Variants in BANP observed in about 807,000 individuals in gnomAD.
BANP encodes protein BANP.
In BANP, 11 loss-of-function variants were observed where a neutral mutation model predicts 68.1. The observed-to-expected ratio is 0.16, with a 90% CI of 0.10 to 0.27. The LOEUF is 0.27. Ranked by LOEUF, BANP falls within the 10% of genes least tolerant of loss-of-function variation. The probability of loss-of-function intolerance (pLI) is 1.00; values close to 1 mark genes in which losing one functional copy is unlikely to be tolerated. For missense variants in BANP, 504 were observed against 722.7 expected (o/e 0.70, Z 3.47); for synonymous variants, 329 against 303.2 (o/e 1.09, Z -0.88).
Position 87,958,549 on chromosome 16 carries a change from A to T in BANP, c.-69+7034A>T, listed in dbSNP as rs182725264. 1.4e-4 allele frequency among the ~76,000 whole-genome samples: 22 copies of T among 152,002 alleles called. No individual in the cohort carries two copies. In the East Asian group the frequency reaches 4.3e-3, roughly 29 times the overall value. On this transcript the variant is annotated intron_variant, in intron 1 of 13. Transcript: ENST00000682872. Reference sequence around the variant, plus strand: ...TAAAGTACTTTTTAAAAGGCCATCCACTGGGCCAGGCATGGTGGCCCAAAG... The same window carrying T: ...TAAAGTACTTTTTAAAAGGCCATCCTCTGGGCCAGGCATGGTGGCCCAAAG...
intron 1 of BANP, among the ~76,000 whole-genome samples, chr16:87,959,615 C>G (rs1029093743): frequency 2.6e-5 from 4 of 152,238 alleles, no homozygotes; most frequent in Non-Finnish European, 5.9e-5. Flanking sequence ...CATGGTCTTC[C>G]TGCTGCAGCC....
chr16:87,997,762 G>A (rs2067686708), intron 4 of BANP, among the ~76,000 whole-genome samples: 1 of 152,286 alleles, frequency 6.6e-6, no homozygotes, highest in South Asian at 2.1e-4. Flanking sequence ...AGCCAGGATG[G>A]CTGGGAGTGA....
intron 4 of BANP, among the ~76,000 whole-genome samples, chr16:87,990,449 A>G (rs1412746950): frequency 6.6e-6 from 1 of 152,204 alleles, no homozygotes; most frequent in Non-Finnish European, 1.5e-5. Context: ...ATGTAGAGCT[A>G]GGCCTCGTTC....
At chr16:88,027,888 C>T (rs1231555148) in intron 8 of BANP, among the ~76,000 whole-genome samples, 1 of 152,262 alleles carries the variant, frequency 6.6e-6, no homozygotes, top group African/African-American at 2.4e-5. Context: ...GACAGAGGGC[C>T]TGTTGGGCCT....
At chr16:88,035,499 A>G (rs1409074416) in intron 10 of BANP, 105 bp downstream of exon 10, 26 of 1,132,642 alleles carry the variant, frequency 2.3e-5, no homozygotes, top group Middle Eastern at 2.9e-4. Flanking sequence ...CCCCCAGGAC[A>G]GGGAACGTGG....
chr16:88,061,753 C>T (rs1046298363), intron 11 of BANP, among the ~76,000 whole-genome samples: 1 of 151,814 alleles, frequency 6.6e-6, no homozygotes, highest in Non-Finnish European at 1.5e-5. Context: ...GCAACCTCTG[C>T]CTCCTGGGTT....
At chr16:87,954,834 C>T (rs7194067) in intron 1 of BANP, among the ~76,000 whole-genome samples, 21,269 of 152,250 alleles carry the variant, frequency 0.14, 1,615 homozygotes, top group Middle Eastern at 0.23. Context: ...GGAGGTCACC[C>T]GTACGGCCAG....
At chr16:88,032,417 G>A (rs950804406) in intron 8 of BANP, among the ~76,000 whole-genome samples, 14 of 152,154 alleles carry the variant, frequency 9.2e-5, no homozygotes, top group African/African-American at 2.9e-4. Context: ...GGCCAGGCTG[G>A]TCTTGAACTC....
Position 88,071,774 on chromosome 16 carries a change from G to C in BANP, c.1378-295G>C. On this transcript the variant is annotated intron_variant, in intron 12 of 13. Transcript: ENST00000682872. The surrounding 1 kb of genome is among the most constrained non-coding windows in gnomAD (Gnocchi z 6.5). The stretch of plus-strand genomic sequence containing the variant: ...TTTGCTGTTGCTCTCTTTTTCTGTG[G>C]AAGCTCTGCCTTGCTTTTTTTTTTT... 1 of 639,324 alleles carries C rather than the reference G, an allele frequency of 1.6e-6. No individual in the cohort carries two copies. 39.6% of individuals were successfully genotyped at this position (639,324 alleles called of 1,614,324 possible).
chr16:88,003,103 C>T lies in BANP; in HGVS notation c.363-1192C>T, dbSNP rs2069916264. Among the ~76,000 whole-genome samples, 2 of 152,180 alleles carry T rather than the reference C, an allele frequency of 1.3e-5. No individual in the cohort carries two copies. Among genetic ancestry groups the T allele is most frequent in the Admixed American group, 1.3e-4 (2 of 15,278 alleles). On this transcript the variant is annotated intron_variant, in intron 4 of 13. Coordinates refer to ENST00000682872, the MANE Select transcript of BANP (RefSeq NM_001386991.1). The surrounding 1 kb of genome is among the most constrained non-coding windows in gnomAD (Gnocchi z 6.1). ...ACAGCCTGTAGGTGACTGTGGTGAC[C>T]AAGCCAAAAGCCACCTGGGTTACTT... is the stretch of plus-strand genomic sequence containing the variant.
At chr16:88,065,986 A>T (rs1450036686) in intron 12 of BANP, among the ~76,000 whole-genome samples, 1 of 152,136 alleles carries the variant, frequency 6.6e-6, no homozygotes, top group Non-Finnish European at 1.5e-5. Flanking sequence ...GGATGGGAGC[A>T]CGGGAGAGGG....
chr16:87,973,461 A>G (rs2061472609), intron 1 of BANP, among the ~76,000 whole-genome samples: 1 of 152,198 alleles, frequency 6.6e-6, no homozygotes, highest in African/African-American at 2.4e-5. Flanking sequence ...TGTTATCCCC[A>G]AGAAATTCTA....
chr16:88,036,401 G>A lies in BANP; in HGVS notation c.1272+1007G>A, dbSNP rs1384196510. On this transcript the variant is annotated intron_variant, in intron 10 of 13. Coordinates refer to ENST00000682872, the MANE Select transcript of BANP (RefSeq NM_001386991.1). The surrounding 1 kb of genome is among the most constrained non-coding windows in gnomAD (Gnocchi z 4.2). Reference sequence around the variant, plus strand: ...GCTCATGCTGGGTGCAGGTGCTGTGGGGGAGCAGAGGAGAGAGAAGCCCTG... The same window carrying A: ...GCTCATGCTGGGTGCAGGTGCTGTGAGGGAGCAGAGGAGAGAGAAGCCCTG... Among the ~76,000 whole-genome samples, 6 of 152,176 alleles carry A rather than the reference G, an allele frequency of 3.9e-5. No homozygotes were observed. Among genetic ancestry groups the A allele is most frequent in the Non-Finnish European group, 5.9e-5 (4 of 68,026 alleles).
intron 6 of BANP, among the ~76,000 whole-genome samples, chr16:88,010,582 G>A (rs6419431): frequency 1 from 151,832 of 152,364 alleles, 75,653 homozygotes; most frequent in Middle Eastern, 1. Context: ...ACAGAATGTC[G>A]GCCATGCACA....
At chr16:87,965,980 C>T (rs1196234085) in intron 1 of BANP, among the ~76,000 whole-genome samples, 1 of 152,186 alleles carries the variant, frequency 6.6e-6, no homozygotes, top group Non-Finnish European at 1.5e-5. Context: ...TCATCCCCAA[C>T]TGTCTTGGAT....
Position 88,076,081 on chromosome 16 carries a change from G to C in BANP, c.1522-509G>C, listed in dbSNP as rs867389877. Reference sequence around the variant, plus strand: ...CATTTTAAGATAAAGCTGTGATTTCGTACTTGAAGTCCTTTTAATATCTGT... The same window carrying C: ...CATTTTAAGATAAAGCTGTGATTTCCTACTTGAAGTCCTTTTAATATCTGT... On this transcript the variant is annotated intron_variant, in intron 13 of 13. Transcript: ENST00000682872. 7.2e-5 allele frequency among the ~76,000 whole-genome samples: 11 copies of C among 152,292 alleles called. No individual in the cohort carries two copies. In the South Asian group the frequency reaches 8.3e-4, roughly 11 times the overall value.
At chr16:87,954,915 G>A (rs1170221130) in intron 1 of BANP, among the ~76,000 whole-genome samples, 1 of 152,252 alleles carries the variant, frequency 6.6e-6, no homozygotes, top group African/African-American at 2.4e-5. Context: ...TGTGGCCTTG[G>A]TAATTGCCCA....
intron 11 of BANP, among the ~76,000 whole-genome samples, chr16:88,042,981 G>C (rs2081181590): frequency 6.6e-6 from 1 of 152,156 alleles, no homozygotes; most frequent in South Asian, 2.1e-4. Context: ...AAATTATTTG[G>C]AACCACTTTG....
chr16:88,061,817 C>T (rs561372483), intron 11 of BANP, among the ~76,000 whole-genome samples: 5 of 152,254 alleles, frequency 3.3e-5, no homozygotes, highest in African/African-American at 4.8e-5. Context: ...AGGCACGCAC[C>T]ACCATGCCCG....
Sources: gnomAD v4.1 joint callset for allele counts (sites outside exome capture counted in the v4.1 genomes callset) on GRCh38, gnomAD v4.1.1 for gene constraint, Gnocchi (gnomAD v3.1) non-coding constraint, MANE v1.5 for transcripts, NCBI Gene and HGNC (gene_info 2026-07-23, HGNC 2026-07-21) for gene names.